The following WWOX variants were observed in gnomAD, a reference collection of about 807,000 sequenced individuals.
The protein encoded by WWOX is WW domain-containing oxidoreductase.
A neutral mutation model predicts 46.2 loss-of-function variants in WWOX; 69 were observed. That is an observed-to-expected ratio of 1.49 (90% CI 1.23 to 1.82). The LOEUF (loss-of-function observed/expected upper bound fraction) is 1.82. Among genes scored for constraint, WWOX ranks in the 40% most tolerant of loss-of-function variants. The probability of loss-of-function intolerance (pLI) is 0.00; values close to 1 mark genes in which losing one functional copy is unlikely to be tolerated. For synonymous variants in WWOX, 359 were observed against 202.6 expected, an observed-to-expected ratio of 1.77 and a Z score of -6.56; for missense variants, 919 against 542.6, an observed-to-expected ratio of 1.69 and a Z score of -6.89.
At chr16:79,007,826 A>G (rs1281894506) in intron 8 of WWOX, among the ~76,000 whole-genome samples, 5 of 152,224 alleles carry the variant, frequency 3.3e-5, no homozygotes, top group Middle Eastern at 3.2e-3. Context: ...AGTAATCATC[A>G]TAACCTCTGC....
chr16:78,921,201 C>A (rs891842877), intron 8 of WWOX, among the ~76,000 whole-genome samples: 1 of 152,126 alleles, frequency 6.6e-6, no homozygotes, highest in East Asian at 1.9e-4. Context: ...TTCAAGTCTG[C>A]AGGCAAAACA....
intron 5 of WWOX, among the ~76,000 whole-genome samples, chr16:78,363,577 C>A (rs1473060407): frequency 6.6e-6 from 1 of 152,112 alleles, no homozygotes; most frequent in African/African-American, 2.4e-5. Flanking sequence ...CTGTCCCAGG[C>A]CAGTTTTAAC....
chr16:78,415,815 C>A (rs13333868), intron 6 of WWOX, among the ~76,000 whole-genome samples: 2 of 152,004 alleles, frequency 1.3e-5, no homozygotes, highest in South Asian at 4.2e-4. Context: ...TGATGACAAC[C>A]CCCGCCCCCA....
chr16:78,319,279 G>A (rs577444518), intron 5 of WWOX, among the ~76,000 whole-genome samples: 63 of 149,646 alleles, frequency 4.2e-4, no homozygotes, highest in Non-Finnish European at 8.1e-4. Flanking sequence ...TGCTGATGTC[G>A]TTTTACTATT....
At chr16:78,148,679 C>T (rs986059773) in intron 4 of WWOX, among the ~76,000 whole-genome samples, 3 of 151,714 alleles carry the variant, frequency 2.0e-5, no homozygotes, top group Non-Finnish European at 4.4e-5. Context: ...GGGTAGATCA[C>T]GAGGTCAGGA....
chr16:78,788,763 C>T (rs2050520206), intron 8 of WWOX, among the ~76,000 whole-genome samples: 1 of 152,178 alleles, frequency 6.6e-6, no homozygotes, highest in African/African-American at 2.4e-5. Context: ...CCTGAAGCCC[C>T]TCAGCCAGAC....
At chr16:78,718,092 G>GTTTTTTTTTTTTTTTTTTTTTTTTTTT in intron 8 of WWOX, among the ~76,000 whole-genome samples, 4 of 139,600 alleles carry the variant, frequency 2.9e-5, no homozygotes, top group African/African-American at 1.2e-4. Context: ...GGTTCTGGTG[G>GTTTTTTTTTTTTTTTTTTTTTTTTTTT]TTGTATTTTT....
At chr16:78,709,028 G>A (rs1041436375) in intron 8 of WWOX, among the ~76,000 whole-genome samples, 1 of 152,158 alleles carries the variant, frequency 6.6e-6, no homozygotes, top group African/African-American at 2.4e-5. Flanking sequence ...GTTTCGAAAC[G>A]TGAAAATAAA....
At chr16:79,037,341 T>C (rs1266937935) in intron 8 of WWOX, among the ~76,000 whole-genome samples, 2 of 152,126 alleles carry the variant, frequency 1.3e-5, no homozygotes, top group Non-Finnish European at 2.9e-5. Flanking sequence ...TCTCAAGTCT[T>C]TTTGTAGAGA....
chr16:78,972,557 T>C (rs1315152867), intron 8 of WWOX, among the ~76,000 whole-genome samples: 1 of 151,836 alleles, frequency 6.6e-6, no homozygotes, highest in African/African-American at 2.4e-5. Context: ...AGTAGCAAAT[T>C]TACCGTCATC....
At chr16:79,025,313 G>A (rs1219544006) in intron 8 of WWOX, among the ~76,000 whole-genome samples, 1 of 152,144 alleles carries the variant, frequency 6.6e-6, no homozygotes, top group Non-Finnish European at 1.5e-5. Context: ...CGATTTAGTG[G>A]TGGCTCCCCA....
chr16:78,393,567 C>A (rs976080648), intron 6 of WWOX, among the ~76,000 whole-genome samples: 2 of 152,070 alleles, frequency 1.3e-5, no homozygotes, highest in African/African-American at 4.8e-5. Context: ...GAATTGCAAT[C>A]CTGGAACTTA....
chr16:78,189,804 G>T (rs538523381), intron 5 of WWOX, among the ~76,000 whole-genome samples: 50 of 152,188 alleles, frequency 3.3e-4, no homozygotes, highest in African/African-American at 1.1e-3. Context: ...ACAGGCACCT[G>T]CCACCACGCT....
chr16:78,384,765 G>A (rs996440735), intron 5 of WWOX, among the ~76,000 whole-genome samples: 1 of 152,174 alleles, frequency 6.6e-6, no homozygotes, highest in Non-Finnish European at 1.5e-5. Flanking sequence ...ATCTGTGTTT[G>A]CCAGTTTGCC....
chr16:78,935,550 G>C (rs1404115365), intron 8 of WWOX, among the ~76,000 whole-genome samples: 2 of 150,058 alleles, frequency 1.3e-5, no homozygotes, highest in East Asian at 4.0e-4. Context: ...GGTGGGAATT[G>C]AACAATGAGA....
intron 5 of WWOX, among the ~76,000 whole-genome samples, chr16:78,245,904 G>C (rs2151823873): frequency 6.6e-6 from 1 of 152,260 alleles, no homozygotes; most frequent in East Asian, 1.9e-4. Flanking sequence ...TTCCAGAAAG[G>C]AGAACAAAGA....
chr16:79,109,538 T>G (rs947931944), intron 8 of WWOX, among the ~76,000 whole-genome samples: 7 of 152,190 alleles, frequency 4.6e-5, no homozygotes, highest in Non-Finnish European at 1.0e-4. Context: ...TCTTGGCAAA[T>G]TAATATGCAG....
In WWOX at chr16:78,164,268, G is replaced by C. The variant is rs202215024; in HGVS notation, c.495G>C (p.Val165=). The change falls in exon 5 of 9, where the codon GTG becomes GTC. Residue 165 remains valine (V), a synonymous_variant. Transcript: ENST00000566780. The part of the protein sequence containing the change: ...CRNMARASEA[V]SRILEEWHKA... ...ACATGGCAAGGGCGAGTGAAGCAGT[G>C]TCACGCATTTTAGAAGAATGGGTAA... 1.2e-6 allele frequency: 2 copies of C among 1,613,998 alleles called. No homozygotes were observed. The highest frequency in any genetic ancestry group is 1.6e-4 in the Middle Eastern group (1 of 6,062).
intron 8 of WWOX, among the ~76,000 whole-genome samples, chr16:78,631,188 T>C (rs1351423002): frequency 2.0e-5 from 3 of 152,184 alleles, no homozygotes; most frequent in African/African-American, 7.2e-5. Flanking sequence ...ACCAGTCCCC[T>C]TTGGATACTG....
Sources: gnomAD v4.1 joint callset for allele counts (sites outside exome capture counted in the v4.1 genomes callset) on GRCh38, gnomAD v4.1.1 for gene constraint, MANE v1.5 for transcripts, NCBI Gene and HGNC (gene_info 2026-07-23, HGNC 2026-07-21) for gene names.